Variants in AVEN observed in about 807,000 individuals in gnomAD.
The protein encoded by AVEN is apoptosis and caspase activation inhibitor, also known as cell death regulator Aven.
AVEN carries 41 observed loss-of-function variants against 38.1 expected under a neutral mutation model. The observed-to-expected ratio is 1.08, with a 90% CI of 0.84 to 1.40. The LOEUF is 1.40. Ranked by LOEUF, AVEN falls within the 40% of genes most tolerant of loss-of-function variation. The pLI, the probability that AVEN is intolerant of heterozygous loss-of-function variation, is 0.00. For missense variants in AVEN, 605 were observed against 438.8 expected, an observed-to-expected ratio of 1.38 and a Z score of -3.38; for synonymous variants, 206 against 171.8, an observed-to-expected ratio of 1.20 and a Z score of -1.56.
chr15:33,860,619 A>G, intron 11 of AVEN: 1 of 1,592,918 alleles, frequency 6.3e-7, no homozygotes, highest in South Asian at 1.1e-5. Flanking sequence ...GCTTTCGGAG[A>G]GCTAAGAGAC....
chr15:34,021,482 T>TC (rs956531502), intron 1 of AVEN, among the ~76,000 whole-genome samples: 1 of 152,002 alleles, frequency 6.6e-6, no homozygotes, highest in Admixed American at 6.6e-5. Context: ...ACGGGGTTTC[T>TC]CCGTGTTGGT....
At chr15:33,961,554 C>T (rs1000183913) in intron 2 of AVEN, among the ~76,000 whole-genome samples, 15 of 151,906 alleles carry the variant, frequency 9.9e-5, no homozygotes, top group African/African-American at 2.4e-4. Flanking sequence ...TGGCTCATGC[C>T]TGTAATCCCA....
chr15:33,897,035 G>A (rs1262772920), intron 2 of AVEN, among the ~76,000 whole-genome samples: 1 of 152,136 alleles, frequency 6.6e-6, no homozygotes, highest in African/African-American at 2.4e-5. Flanking sequence ...AATCGCCAAT[G>A]CATTATGCAA....
At chr15:33,886,827 CA>C (rs1391101852) in intron 2 of AVEN, among the ~76,000 whole-genome samples, 1 of 152,190 alleles carries the variant, frequency 6.6e-6, no homozygotes, top group East Asian at 1.9e-4. Flanking sequence ...GTCCAGCAGT[CA>C]AAGGCTGGTA....
At chr15:34,011,077 T>C (rs2632073) in intron 1 of AVEN, among the ~76,000 whole-genome samples, 138,418 of 152,150 alleles carry the variant, frequency 0.91, 64,188 homozygotes, top group Non-Finnish European at 1. Flanking sequence ...CTATAATACC[T>C]GCACTTTGGG....
chr15:33,904,702 T>TAC lies in AVEN; in HGVS notation c.446-28708_446-28707insGT, dbSNP rs1224198760. ...TTCTTTAAAAAAAAAAAAATATATA[T>TAC]ATATATATATATATACACACACACA... On this transcript the variant is annotated intron_variant, in intron 2 of 5. Coordinates refer to ENST00000306730, the MANE Select transcript of AVEN (RefSeq NM_020371.3). Among the ~76,000 whole-genome samples the TAC allele has an allele frequency of 1.9e-4, 12 of 62,152 alleles. No individual in the cohort carries two copies. The East Asian group carries it at 4.6e-3, about 24-fold the overall frequency. The allele number at this position is 62,152 out of a possible 152,430, so 40.8% of individuals were successfully genotyped here. A position where few individuals can be genotyped will look rare whatever the true frequency, so the allele number is the denominator to read the frequency against.
the AVEN span, chr15:33,852,623 T>C: frequency 6.1e-6 from 1 of 164,566 alleles, no homozygotes; most frequent in African/African-American, 2.4e-5. Flanking sequence ...ACACCCCACA[T>C]CCCGCATCGC....
At chr15:33,888,814 G>A (rs553445334) in intron 2 of AVEN, among the ~76,000 whole-genome samples, 7 of 152,052 alleles carry the variant, frequency 4.6e-5, no homozygotes, top group African/African-American at 1.4e-4. Flanking sequence ...GCAGTGGCGC[G>A]ATCTTGGCTC....
chr15:33,935,365 G>T (rs75093912), intron 2 of AVEN, among the ~76,000 whole-genome samples: 1,606 of 152,256 alleles, frequency 0.011, 9 homozygotes, highest in Middle Eastern at 0.024. Context: ...CCAAACTGGA[G>T]AATGTTTGTA....
intron 1 of AVEN, among the ~76,000 whole-genome samples, chr15:34,004,733 G>C (rs1019088293): frequency 6.6e-5 from 10 of 152,102 alleles, no homozygotes; most frequent in African/African-American, 2.4e-4. Context: ...TACTTAATTG[G>C]TAATTGCTGA....
chr15:33,871,101 CTG>C (rs1162476563), intron 3 of AVEN, 71 bp from the exon 4 acceptor site: 17 of 1,016,392 alleles, frequency 1.7e-5, no homozygotes, highest in Non-Finnish European at 2.1e-5. Context: ...AAAGAAGAAA[CTG>C]TAAATAATCC....
chr15:34,026,115 T>C (rs530629246), intron 1 of AVEN, among the ~76,000 whole-genome samples: 1 of 152,238 alleles, frequency 6.6e-6, no homozygotes, highest in Non-Finnish European at 1.5e-5. Flanking sequence ...ACAGATTAAG[T>C]TTGATATTCT....
intron 2 of AVEN, among the ~76,000 whole-genome samples, chr15:33,974,686 C>G (rs1271970619): frequency 6.6e-6 from 1 of 152,118 alleles, no homozygotes; most frequent in Non-Finnish European, 1.5e-5. Flanking sequence ...AGATTTTGAG[C>G]TTTGGGCCGG....
chr15:33,980,508 T>C (rs1010630637), intron 2 of AVEN, among the ~76,000 whole-genome samples: 14 of 152,312 alleles, frequency 9.2e-5, no homozygotes, highest in Admixed American at 7.8e-4. Context: ...TGGCCATATA[T>C]GACATGAGCA....
chr15:33,869,293 G>C (rs1030826102), intron 4 of AVEN, among the ~76,000 whole-genome samples: 4 of 152,144 alleles, frequency 2.6e-5, no homozygotes, highest in Non-Finnish European at 5.9e-5. Context: ...ATGGGTGGGG[G>C]AGAAATGTTT....
chr15:34,065,077 A>C (rs1457021382), intron 4 of AVEN: 1 of 166,526 alleles, frequency 6.0e-6, no homozygotes, highest in African/African-American at 2.4e-5. Flanking sequence ...ATAAAGATGG[A>C]TCAAGTCTCC....
chr15:33,926,094 A>G (rs569813081), intron 2 of AVEN, among the ~76,000 whole-genome samples: 2 of 152,300 alleles, frequency 1.3e-5, no homozygotes, highest in South Asian at 2.1e-4. Flanking sequence ...TCACCTCTAT[A>G]TATCCATAAA....
intron 3 of AVEN, among the ~76,000 whole-genome samples, chr15:33,871,231 C>T (rs1203093548): frequency 1.3e-5 from 2 of 152,142 alleles, no homozygotes; most frequent in African/African-American, 4.8e-5. Flanking sequence ...AGCCACAGCT[C>T]ACACTGTCAG....
intron 2 of AVEN, among the ~76,000 whole-genome samples, chr15:33,974,210 G>T (rs1171849383): frequency 6.6e-6 from 1 of 152,130 alleles, no homozygotes; most frequent in Non-Finnish European, 1.5e-5. Context: ...GACTTCAGGG[G>T]AATTTGAATA....
Sources: gnomAD v4.1 joint callset for allele counts (sites outside exome capture counted in the v4.1 genomes callset) on GRCh38, gnomAD v4.1.1 for gene constraint, MANE v1.5 for transcripts, NCBI Gene and HGNC (gene_info 2026-07-23, HGNC 2026-07-21) for gene names.